The following PKIB variants were observed in gnomAD, a reference collection of about 807,000 sequenced individuals.
PKIB encodes the protein PKI-beta.
PKIB carries 2 observed loss-of-function variants against 4.5 expected under a neutral mutation model. The ratio of observed to expected loss-of-function variants is 0.44; its 90% CI spans 0.18 to 1.39. The LOEUF (loss-of-function observed/expected upper bound fraction) is 1.39, where lower values mean the gene tolerates loss of function less well. PKIB is among the 40% of genes most tolerant of loss of function. The pLI, the probability that PKIB is intolerant of heterozygous loss-of-function variation, is 0.27. For missense variants in PKIB, 94 were observed against 92.6 expected (o/e 1.02, Z -0.06); for synonymous variants, 38 against 36.0 (o/e 1.06, Z -0.20).
chr6:122,672,543 AC>A (rs1212008969), intron 2 of PKIB, among the ~76,000 whole-genome samples: 6 of 152,092 alleles, frequency 3.9e-5, no homozygotes, highest in African/African-American at 1.2e-4. Context: ...CATGTATATC[AC>A]CAAGTTTTCT....
intron 1 of PKIB, among the ~76,000 whole-genome samples, chr6:122,629,419 T>A (rs1775599714): frequency 6.9e-6 from 1 of 144,716 alleles, no homozygotes; most frequent in South Asian, 2.1e-4. Flanking sequence ...TCATTATGAA[T>A]AAATAATTGA....
intron 3 of PKIB, among the ~76,000 whole-genome samples, chr6:122,716,893 T>C (rs1365707308): frequency 6.6e-6 from 1 of 152,180 alleles, no homozygotes; most frequent in African/African-American, 2.4e-5. Flanking sequence ...GCAAGTTCCC[T>C]AAAGATGGAA....
chr6:122,549,802 C>A (rs1772615422), intron 2 of PKIB, among the ~76,000 whole-genome samples: 1 of 147,632 alleles, frequency 6.8e-6, no homozygotes, highest in South Asian at 2.1e-4. Context: ...TTTTATGTTA[C>A]CATATTTCTA....
At position 122,550,969 on chromosome 6, in the gene PKIB, T is replaced by A. The variant is rs1772658108; in HGVS notation, c.-247-34952T>A. On this transcript the variant is annotated intron_variant, in intron 2 of 6. Coordinates refer to the PKIB transcript ENST00000392491. Reference sequence around the variant, plus strand: ...TAGTCACAGTCGTGAAGGTGTTTCTTCATCCTTTTCTAGAGAGCAGTGGTG... The same window carrying A: ...TAGTCACAGTCGTGAAGGTGTTTCTACATCCTTTTCTAGAGAGCAGTGGTG... Among the ~76,000 whole-genome samples, 4 of 152,220 alleles carry A rather than the reference T, an allele frequency of 2.6e-5. No homozygotes were observed. In the South Asian group the frequency reaches 8.3e-4, roughly 32 times the overall value.
At chr6:122,695,772 A>T (rs948695260) in intron 3 of PKIB, among the ~76,000 whole-genome samples, 23 of 152,148 alleles carry the variant, frequency 1.5e-4, no homozygotes, top group African/African-American at 5.5e-4. Flanking sequence ...CAGGGCTTAA[A>T]TCCTAGCTTA....
chr6:122,567,457 T>C (rs924208964), intron 2 of PKIB, among the ~76,000 whole-genome samples: 1 of 152,212 alleles, frequency 6.6e-6, no homozygotes, highest in African/African-American at 2.4e-5. Context: ...CCCTGTATTG[T>C]GCAGATAAAC....
chr6:122,505,395 A>G (rs1438989064), intron 2 of PKIB, among the ~76,000 whole-genome samples: 3 of 152,104 alleles, frequency 2.0e-5, no homozygotes, highest in African/African-American at 4.8e-5. Flanking sequence ...TTTTCCCAAC[A>G]TGTCCCCCTT....
intron 1 of PKIB, among the ~76,000 whole-genome samples, chr6:122,626,816 C>T (rs1775463472): frequency 6.6e-6 from 1 of 152,096 alleles, no homozygotes; most frequent in African/African-American, 2.4e-5. Flanking sequence ...AATGAACACA[C>T]AGATCCTTCT....
chr6:122,710,791 G>A (rs1252522575), intron 3 of PKIB, among the ~76,000 whole-genome samples: 1 of 152,096 alleles, frequency 6.6e-6, no homozygotes, highest in African/African-American at 2.4e-5. Flanking sequence ...TTACATAAAT[G>A]CTTTTTGAAT....
chr6:122,603,083 A>G (rs1487090447), intron 3 of PKIB, among the ~76,000 whole-genome samples: 1 of 151,928 alleles, frequency 6.6e-6, no homozygotes, highest in Admixed American at 6.6e-5. Flanking sequence ...TTTTTAAAAG[A>G]CTCCATCCAC....
chr6:122,647,574 G>A (rs1309183237), intron 2 of PKIB, among the ~76,000 whole-genome samples: 1 of 152,200 alleles, frequency 6.6e-6, no homozygotes, highest in African/African-American at 2.4e-5. Context: ...CCTTTCCCTA[G>A]AAGAGGATGC....
chr6:122,481,993 C>T (rs1775629473), intron 2 of PKIB: 1 of 147,120 alleles, frequency 6.8e-6, no homozygotes, highest in Non-Finnish European at 1.5e-5. Context: ...CGGAGTCTCG[C>T]GGTAGCCCAG....
rs73549373 is a variant in PKIB, at chr6:122,591,005, G to C, written c.-161+4998G>C. ...TTGCTTATCATGGAGTATCTTTCAC[G>C]AGTTTTGCCTTTTTTTAAAAAAAAA... is the stretch of plus-strand genomic sequence containing the variant. On this transcript the variant is annotated intron_variant, in intron 3 of 6. Coordinates refer to the PKIB transcript ENST00000392491. 6.8e-3 allele frequency among the ~76,000 whole-genome samples: 1,023 copies of C among 151,554 alleles called. 5 individuals are homozygous for C. Among genetic ancestry groups the C allele is most frequent in the African/African-American group, 0.023 (939 of 41,286 alleles).
intron 2 of PKIB, among the ~76,000 whole-genome samples, chr6:122,668,803 A>C (rs923941050): frequency 2.0e-5 from 3 of 152,226 alleles, no homozygotes; most frequent in Non-Finnish European, 2.9e-5. Flanking sequence ...GTTGGCTTCT[A>C]TGTTGCCAAC....
intron 2 of PKIB, among the ~76,000 whole-genome samples, chr6:122,635,547 TAA>T (rs79870623): frequency 2.4e-5 from 2 of 83,754 alleles, no homozygotes; most frequent in African/African-American, 4.4e-5. Flanking sequence ...ACCAAAAAAG[TAA>T]AAAAAAAAAA....
At chr6:122,501,914 G>A (rs1277194916) in intron 2 of PKIB, among the ~76,000 whole-genome samples, 1 of 146,518 alleles carries the variant, frequency 6.8e-6, no homozygotes, top group Non-Finnish European at 1.5e-5. Context: ...TAGGCTTTTA[G>A]AAGCAGCCAG....
In PKIB at chr6:122,471,963, G is replaced by A. The variant is rs1013961284; in HGVS notation, c.-415G>A. 1.1e-5 allele frequency: 12 copies of A among 1,070,048 alleles called. No homozygotes were observed. In the East Asian group the frequency reaches 3.3e-4, roughly 30 times the overall value. 66.3% of individuals were successfully genotyped at this position (1,070,048 alleles called of 1,614,324 possible). On this transcript the variant is annotated 5_prime_UTR_variant, in exon 1 of 7. Transcript: ENST00000392491. ...GACGACACGGCTGTCTTCTTTCCTGGAGAATTTCTCAAGGACTGCTGGCTG... is the reference window on the plus strand; with the variant it reads ...GACGACACGGCTGTCTTCTTTCCTGAAGAATTTCTCAAGGACTGCTGGCTG...
chr6:122,662,585 G>A (rs900064039), intron 2 of PKIB, among the ~76,000 whole-genome samples: 1 of 151,918 alleles, frequency 6.6e-6, no homozygotes, highest in African/African-American at 2.4e-5. Flanking sequence ...CTCCCAAAGT[G>A]CTGGGATTAC....
At chr6:122,575,964 G>C (rs1343803097) in intron 2 of PKIB, among the ~76,000 whole-genome samples, 1 of 152,112 alleles carries the variant, frequency 6.6e-6, no homozygotes, top group East Asian at 1.9e-4. Context: ...AAGCATTACT[G>C]TAAGTGCAAG....
Sources: gnomAD v4.1 joint callset for allele counts (sites outside exome capture counted in the v4.1 genomes callset) on GRCh38, gnomAD v4.1.1 for gene constraint, MANE v1.5 for transcripts, NCBI Gene and HGNC (gene_info 2026-07-23, HGNC 2026-07-21) for gene names.